GLRX3: variants seen among roughly 807,000 people sequenced by gnomAD.
GLRX3 encodes the protein glutaredoxin-3.
In GLRX3, 22 loss-of-function variants were observed where a neutral mutation model predicts 49.5. The ratio of observed to expected loss-of-function variants is 0.44; its 90% CI spans 0.32 to 0.63. The LOEUF is 0.63. GLRX3 is among the 30% of genes least tolerant of loss of function. The pLI, the probability that GLRX3 is intolerant of heterozygous loss-of-function variation, is 0.05. For synonymous variants in GLRX3, 133 were observed against 140.0 expected (o/e 0.95, Z 0.35); for missense variants, 385 against 396.3 (o/e 0.97, Z 0.24).
At chr10:130,168,403 C>G (rs942315537) in intron 6 of GLRX3, among the ~76,000 whole-genome samples, 4 of 152,088 alleles carry the variant, frequency 2.6e-5, no homozygotes, top group African/African-American at 7.2e-5. Context: ...CAGCTTTGTG[C>G]GTGATTGATG....
intron 2 of GLRX3, among the ~76,000 whole-genome samples, chr10:130,149,564 A>G (rs117044981): frequency 6.6e-6 from 1 of 152,128 alleles, no homozygotes; most frequent in African/African-American, 2.4e-5. Context: ...ATCTTCTCTC[A>G]TACTGATTCT....
chr10:130,157,366 G>A (rs1289403068), intron 2 of GLRX3, among the ~76,000 whole-genome samples: 2 of 151,400 alleles, frequency 1.3e-5, no homozygotes, highest in Non-Finnish European at 2.9e-5. Flanking sequence ...GGGGGATGGG[G>A]GTGTGCGGAG....
chr10:130,160,083 T>A lies in GLRX3; in HGVS notation c.276+14T>A. On this transcript the variant is annotated intron_variant, in intron 3 of 10. Transcript: ENST00000331244. ...CTGTTTTTCAAGGTAAGGATAAAGG[T>A]GGTACAAGAGATTATCCATTTGTAG... 1 of 1,517,844 alleles carries A rather than the reference T, an allele frequency of 6.6e-7. No homozygotes were observed. The highest frequency in any genetic ancestry group is 9.2e-7 in the Non-Finnish European group (1 of 1,092,472). The allele number at this position is 1,517,844 out of a possible 1,614,324, so 94.0% of individuals were successfully genotyped here. A position where few individuals can be genotyped will look rare whatever the true frequency, so the allele number is the denominator to read the frequency against.
chr10:130,136,589 G>C (rs954625512), intron 1 of GLRX3, 77 bp downstream of exon 1: 28 of 1,236,176 alleles, frequency 2.3e-5, no homozygotes, highest in Non-Finnish European at 2.7e-5. Flanking sequence ...GTGGGGCGGC[G>C]GGTGGCCCAG....
chr10:130,157,697 A>G (rs1862503172), intron 2 of GLRX3, among the ~76,000 whole-genome samples: 1 of 151,814 alleles, frequency 6.6e-6, no homozygotes, highest in Non-Finnish European at 1.5e-5. Flanking sequence ...TTAACTACTT[A>G]CTAAGTTGAA....
chr10:130,139,565 C>G (rs904417900), intron 1 of GLRX3, among the ~76,000 whole-genome samples: 2 of 150,978 alleles, frequency 1.3e-5, no homozygotes, highest in African/African-American at 4.9e-5. Flanking sequence ...TGGCATGAAC[C>G]TGGGAGGCGG....
rs536845807 is a variant in GLRX3, at chr10:130,168,557, G to T, written c.714-876G>T. ...CCTCCCGGGTTCACACCATTCTCCT[G>T]CCTCAGCCTCCCGGGTAGCCGTGAC... On this transcript the variant is annotated intron_variant, in intron 6 of 10. Coordinates refer to ENST00000331244, the MANE Select transcript of GLRX3 (RefSeq NM_006541.5). Among the ~76,000 whole-genome samples the T allele has an allele frequency of 4.6e-5, 7 of 152,272 alleles. No homozygotes were observed. The South Asian group carries it at 1.0e-3, about 23-fold the overall frequency.
intron 2 of GLRX3, among the ~76,000 whole-genome samples, chr10:130,157,666 A>C (rs985779762): frequency 1.3e-5 from 2 of 151,920 alleles, no homozygotes; most frequent in Non-Finnish European, 2.9e-5. Context: ...GAAACCTTAA[A>C]CCAACCATTG....
At chr10:130,172,513 A>C (rs746855792) in intron 8 of GLRX3, among the ~76,000 whole-genome samples, 2 of 152,230 alleles carry the variant, frequency 1.3e-5, no homozygotes, top group African/African-American at 2.4e-5. Context: ...TTCTCATTTC[A>C]TGATTGTATC....
In GLRX3 at chr10:130,179,665, T is replaced by A; in HGVS notation, c.*273T>A. The A allele has an allele frequency of 2.8e-6, 1 of 362,382 alleles. No homozygotes were observed. The highest frequency in any genetic ancestry group is 5.0e-6 in the Non-Finnish European group (1 of 198,770). The allele number at this position is 362,382 out of a possible 1,614,324, so 22.4% of individuals were successfully genotyped here. On this transcript the variant is annotated 3_prime_UTR_variant, in exon 11 of 11. Transcript: ENST00000331244. ...AGTATTAAACATACAGCTACTATAA[T>A]TAACCCACCTTAAATCTCTTTTTCT... is the stretch of plus-strand genomic sequence containing the variant.
intron 8 of GLRX3, among the ~76,000 whole-genome samples, chr10:130,172,250 A>G (rs564292043): frequency 6.6e-6 from 1 of 152,328 alleles, no homozygotes; most frequent in South Asian, 2.1e-4. Flanking sequence ...AATATATTAT[A>G]GGTAGTTTTT....
Position 130,166,233 on chromosome 10 carries a change from TACAC to T in GLRX3, c.479-269_479-266del, listed in dbSNP as rs112298850. ...GATATTGAAGAATAACTTTAATAAA[TACAC>T]ACACCACTTTTTTTTTTTTTTTCAG... On this transcript the variant is annotated intron_variant, in intron 4 of 10. Transcript: ENST00000331244. 3.9e-3 allele frequency among the ~76,000 whole-genome samples: 592 copies of T among 151,230 alleles called. 3 individuals are homozygous for T. The highest frequency in any genetic ancestry group is 0.013 in the African/African-American group (552 of 41,162).
Position 130,136,429 on chromosome 10 carries a change from G to GGGGGCGGCT in GLRX3, c.11_19dup (p.Gly4_Ala6dup), listed in dbSNP as rs1379298253. 4 of 1,254,828 alleles carry GGGGGCGGCT rather than the reference G, an allele frequency of 3.2e-6. No homozygotes were observed. The highest frequency in any genetic ancestry group is 2.0e-6 in the Non-Finnish European group (2 of 993,638). 77.7% of individuals were successfully genotyped at this position (1,254,828 alleles called of 1,614,324 possible). A position where few individuals can be genotyped will look rare whatever the true frequency, so the allele number is the denominator to read the frequency against. On this transcript the variant is annotated inframe_insertion, in exon 1 of 11. Transcript: ENST00000331244. ...TGTCTGGCGGCGGCAGCATGGCGGC[G>GGGGGCGGCT]GGGGCGGCTGAGGCAGCTGTAGCGG...
At chr10:130,178,935 C>T (rs1055586802) in intron 10 of GLRX3, among the ~76,000 whole-genome samples, 4 of 152,086 alleles carry the variant, frequency 2.6e-5, no homozygotes, top group East Asian at 1.9e-4. Context: ...AACTCCTGAC[C>T]TCAGGTGATC....
chr10:130,179,261 C>T, intron 10 of GLRX3, 81 bp from the exon 11 acceptor site: 1 of 702,580 alleles, frequency 1.4e-6, no homozygotes, highest in Non-Finnish European at 2.5e-6. Flanking sequence ...CTCAGATATA[C>T]ATACAAGCTG....
chr10:130,152,708 A>G (rs142318949), intron 2 of GLRX3, among the ~76,000 whole-genome samples: 2,466 of 151,852 alleles, frequency 0.016, 61 homozygotes, highest in African/African-American at 0.056. Flanking sequence ...GGGTAACCCA[A>G]CCTTTCTCTC....
intron 6 of GLRX3, among the ~76,000 whole-genome samples, chr10:130,167,502 T>C (rs1325864416): frequency 6.6e-6 from 1 of 152,212 alleles, no homozygotes; most frequent in African/African-American, 2.4e-5. Flanking sequence ...CATGTATTTG[T>C]TTTATCAAGG....
intron 10 of GLRX3, among the ~76,000 whole-genome samples, 184 bp downstream of exon 10, chr10:130,175,273 C>T (rs1216924893): frequency 1.3e-5 from 2 of 152,226 alleles, no homozygotes; most frequent in African/African-American, 2.4e-5. Flanking sequence ...CTCACTGTCC[C>T]CACGTGGCAG....
chr10:130,173,280 C>T (rs1479838497), intron 8 of GLRX3, among the ~76,000 whole-genome samples: 3 of 152,088 alleles, frequency 2.0e-5, no homozygotes, highest in Non-Finnish European at 2.9e-5. Flanking sequence ...GTCTAATCTC[C>T]ATTGTATTGA....
Sources: allele counts gnomAD v4.1 joint callset (sites outside exome capture counted in the v4.1 genomes callset), GRCh38; gene constraint gnomAD v4.1.1; transcripts MANE v1.5; gene names NCBI Gene and HGNC (gene_info 2026-07-23, HGNC 2026-07-21).